LRP1B: variants seen among roughly 807,000 people sequenced by gnomAD.
LRP1B encodes LDL receptor related protein 1B.
In LRP1B, 217 loss-of-function variants were observed where a neutral mutation model predicts 556.6. The observed-to-expected ratio is 0.39, with a 90% CI of 0.35 to 0.44. LRP1B has a LOEUF of 0.44. Ranked by LOEUF, LRP1B falls within the 20% of genes least tolerant of loss-of-function variation. The probability of loss-of-function intolerance (pLI) is 1.00; values close to 1 mark genes in which losing one functional copy is unlikely to be tolerated. For synonymous variants in LRP1B, 2,047 were observed against 1,865.8 expected, an observed-to-expected ratio of 1.10 and a Z score of -2.50; for missense variants, 5,053 against 5,620.8, an observed-to-expected ratio of 0.90 and a Z score of 3.23.
At chr2:140,910,213 T>G (rs1157704118) in intron 21 of LRP1B, among the ~76,000 whole-genome samples, 1 of 151,696 alleles carries the variant, frequency 6.6e-6, no homozygotes, top group East Asian at 1.9e-4. Context: ...TCAATAAAGA[T>G]ATTAATAATT....
At chr2:142,108,982 A>C (rs1706863510) in intron 1 of LRP1B, among the ~76,000 whole-genome samples, 1 of 152,184 alleles carries the variant, frequency 6.6e-6, no homozygotes, top group Non-Finnish European at 1.5e-5. Context: ...TGCCCAACTG[A>C]CGTCAGGTAA....
intron 7 of LRP1B, among the ~76,000 whole-genome samples, chr2:141,092,492 A>G (rs1367264364): frequency 6.6e-6 from 1 of 152,212 alleles, no homozygotes; most frequent in African/African-American, 2.4e-5. Context: ...GAAGAGGTCC[A>G]GGTATAAGAT....
At chr2:141,175,674 G>A (rs185087902) in intron 7 of LRP1B, among the ~76,000 whole-genome samples, 29 of 152,214 alleles carry the variant, frequency 1.9e-4, no homozygotes, top group Admixed American at 1.1e-3. Flanking sequence ...GGAGAATGTG[G>A]GGTTGGAGCT....
intron 2 of LRP1B, among the ~76,000 whole-genome samples, chr2:141,599,053 GCCCCCCCCCCCC>G (rs1687634272): frequency 1.0e-4 from 1 of 10,022 alleles, no homozygotes; most frequent in East Asian, 5.1e-3. Context: ...ACTCCCCCCC[GCCCCCCCCCCCC>G]CCCCCCCCCG....
chr2:140,804,330 A>G (rs1559129143), intron 32 of LRP1B, among the ~76,000 whole-genome samples: 1 of 152,174 alleles, frequency 6.6e-6, no homozygotes, highest in Non-Finnish European at 1.5e-5. Context: ...TGTTCCATAG[A>G]TTCCATGATA....
At chr2:141,348,858 C>T (rs908614169) in intron 3 of LRP1B, among the ~76,000 whole-genome samples, 1 of 151,988 alleles carries the variant, frequency 6.6e-6, no homozygotes, top group Admixed American at 6.6e-5. Flanking sequence ...TTCCCATGCT[C>T]TTCTCATGAT....
At chr2:141,344,774 A>G (rs745415466) in intron 3 of LRP1B, among the ~76,000 whole-genome samples, 2 of 152,206 alleles carry the variant, frequency 1.3e-5, no homozygotes, top group Non-Finnish European at 2.9e-5. Context: ...TAAGTGAATT[A>G]TGAATGAATA....
At chr2:141,663,978 G>A (rs1014921155) in intron 2 of LRP1B, among the ~76,000 whole-genome samples, 3 of 147,904 alleles carry the variant, frequency 2.0e-5, no homozygotes, top group Admixed American at 6.7e-5. Context: ...GATGAACATC[G>A]ATGCAAAAAT....
chr2:141,084,718 C>G (rs1188726573), intron 7 of LRP1B, among the ~76,000 whole-genome samples: 3 of 150,756 alleles, frequency 2.0e-5, no homozygotes, highest in Admixed American at 6.6e-5. Context: ...GGTGCGATCT[C>G]GGCTCACTGC....
At chr2:140,502,895 A>G (rs1432307551) in intron 54 of LRP1B, 68 bp downstream of exon 54, 1 of 1,527,708 alleles carries the variant, frequency 6.5e-7, no homozygotes, top group South Asian at 1.2e-5. Flanking sequence ...ACTATACTAG[A>G]CAGAAAATCA....
chr2:141,483,648 T>C (rs930461632), intron 2 of LRP1B, among the ~76,000 whole-genome samples: 3 of 151,856 alleles, frequency 2.0e-5, no homozygotes, highest in Admixed American at 6.6e-5. Flanking sequence ...TTTCAATGAT[T>C]GCCATTCTAA....
chr2:141,248,516 T>C (rs1266003275), intron 4 of LRP1B, among the ~76,000 whole-genome samples: 4 of 152,244 alleles, frequency 2.6e-5, no homozygotes, highest in Non-Finnish European at 4.4e-5. Flanking sequence ...GAAAGGGACA[T>C]TTCAGTTCAT....
At chr2:141,101,457 G>T (rs1700459673) in intron 7 of LRP1B, among the ~76,000 whole-genome samples, 1 of 151,868 alleles carries the variant, frequency 6.6e-6, no homozygotes, top group Non-Finnish European at 1.5e-5. Context: ...AATAACATAG[G>T]GTAACTGAGA....
At chr2:140,561,057 T>C (rs1350596179) in intron 43 of LRP1B, among the ~76,000 whole-genome samples, 1 of 152,102 alleles carries the variant, frequency 6.6e-6, no homozygotes, top group Non-Finnish European at 1.5e-5. Context: ...TGTCCTCCTA[T>C]CTCTGGCCCC....
intron 1 of LRP1B, among the ~76,000 whole-genome samples, chr2:141,861,533 G>T (rs1325453916): frequency 6.6e-6 from 1 of 152,144 alleles, no homozygotes; most frequent in Non-Finnish European, 1.5e-5. Context: ...TCACCAACAT[G>T]TAGGCACTCA....
At chr2:140,404,393 C>T (rs963691414) in intron 66 of LRP1B, among the ~76,000 whole-genome samples, 19 of 151,830 alleles carry the variant, frequency 1.3e-4, no homozygotes, top group South Asian at 4.2e-4. Context: ...AGGATGGTCT[C>T]GATCTCCTGA....
chr2:140,923,465 C>G (rs1356194700), intron 20 of LRP1B, among the ~76,000 whole-genome samples: 1 of 151,950 alleles, frequency 6.6e-6, no homozygotes, highest in Non-Finnish European at 1.5e-5. Context: ...GTACTCATGC[C>G]TAAAGGATGA....
intron 1 of LRP1B, among the ~76,000 whole-genome samples, chr2:142,018,069 G>A (rs769631467): frequency 6.6e-6 from 1 of 151,212 alleles, no homozygotes; most frequent in Non-Finnish European, 1.5e-5. Flanking sequence ...AAATAATTAC[G>A]TGCTATAGGT....
At chr2:142,042,547 A>C (rs1298357298) in intron 1 of LRP1B, among the ~76,000 whole-genome samples, 5 of 151,478 alleles carry the variant, frequency 3.3e-5, no homozygotes, top group African/African-American at 1.2e-4. Context: ...CTGAATTATG[A>C]CTTTTTTTGA....
Sources: gnomAD v4.1 joint callset for allele counts (sites outside exome capture counted in the v4.1 genomes callset) on GRCh38, gnomAD v4.1.1 for gene constraint, MANE v1.5 for transcripts, NCBI Gene and HGNC (gene_info 2026-07-23, HGNC 2026-07-21) for gene names.